Variants in MTUS2 observed in about 807,000 individuals in gnomAD.
MTUS2 encodes the protein microtubule-associated tumor suppressor candidate 2.
In MTUS2, 40 loss-of-function variants were observed where a neutral mutation model predicts 114.1. The ratio of observed to expected loss-of-function variants is 0.35; its 90% CI spans 0.27 to 0.46. MTUS2 has a LOEUF of 0.46. Ranked by LOEUF, MTUS2 falls within the 20% of genes least tolerant of loss-of-function variation. The pLI, the probability that MTUS2 is intolerant of heterozygous loss-of-function variation, is 1.00. For synonymous variants in MTUS2, 688 were observed against 672.0 expected (o/e 1.02, Z -0.37); for missense variants, 1,679 against 1,705.4 (o/e 0.98, Z 0.27).
At chr13:29,234,070 A>G (rs1185229520) in intron 5 of MTUS2, among the ~76,000 whole-genome samples, 1 of 152,208 alleles carries the variant, frequency 6.6e-6, no homozygotes, top group Non-Finnish European at 1.5e-5. Flanking sequence ...GCCCTGCAGT[A>G]CATAAATTGG....
chr13:29,452,608 A>ATC (rs1878793415), intron 9 of MTUS2, among the ~76,000 whole-genome samples: 1 of 148,104 alleles, frequency 6.8e-6, no homozygotes, highest in African/African-American at 2.5e-5. Context: ...GTGTGTGTGT[A>ATC]TATATATATA....
At chr13:29,187,568 T>G (rs1444282302) in intron 5 of MTUS2, among the ~76,000 whole-genome samples, 2 of 152,214 alleles carry the variant, frequency 1.3e-5, no homozygotes, top group Non-Finnish European at 2.9e-5. Flanking sequence ...TTATTTTAGG[T>G]TCTGCCCCAT....
chr13:29,085,333 A>T (rs960718302), intron 4 of MTUS2, among the ~76,000 whole-genome samples: 7 of 152,282 alleles, frequency 4.6e-5, no homozygotes, highest in Non-Finnish European at 7.4e-5. Context: ...GGTTTGTTAC[A>T]TGAGTAAATT....
At chr13:28,830,061 A>G (rs1038085718) in intron 1 of MTUS2, among the ~76,000 whole-genome samples, 7 of 152,218 alleles carry the variant, frequency 4.6e-5, no homozygotes, top group Non-Finnish European at 8.8e-5. Flanking sequence ...CTGTACCGTC[A>G]TTAGCTGACC....
intron 2 of MTUS2, among the ~76,000 whole-genome samples, chr13:28,903,256 T>G (rs1448668507): frequency 1.3e-5 from 2 of 152,018 alleles, no homozygotes; most frequent in African/African-American, 4.8e-5. Context: ...TTCTTTCTTA[T>G]TTTATTTTAT....
chr13:28,996,156 CAT>C (rs1440082944), intron 2 of MTUS2, among the ~76,000 whole-genome samples: 2 of 152,144 alleles, frequency 1.3e-5, no homozygotes, highest in Non-Finnish European at 1.5e-5. Context: ...TTGAGATAAT[CAT>C]GTGGTTTTTG....
chr13:29,378,169 G>A (rs1188894888), intron 8 of MTUS2, among the ~76,000 whole-genome samples: 3 of 152,064 alleles, frequency 2.0e-5, no homozygotes, highest in African/African-American at 7.2e-5. Context: ...TTTGTATTCT[G>A]ATTTTGGTGT....
chr13:29,324,750 T>C (rs745751152), intron 7 of MTUS2, 39 bp downstream of exon 7: 7 of 1,457,746 alleles, frequency 4.8e-6, no homozygotes. Flanking sequence ...GGGGAATGAC[T>C]TGAACTTGGA....
chr13:28,836,972 C>T (rs1480303995), intron 1 of MTUS2, among the ~76,000 whole-genome samples: 2 of 152,172 alleles, frequency 1.3e-5, no homozygotes, highest in Non-Finnish European at 2.9e-5. Context: ...ATCTGCCCCC[C>T]TTAGTCTCCT....
intron 4 of MTUS2, among the ~76,000 whole-genome samples, chr13:29,079,587 A>G (rs958508292): frequency 5.9e-5 from 9 of 152,172 alleles, no homozygotes; most frequent in African/African-American, 2.4e-5. Context: ...TTTTTAAAAT[A>G]TAGATGAATA....
intron 1 of MTUS2, among the ~76,000 whole-genome samples, chr13:28,826,662 C>G (rs1021962151): frequency 2.0e-5 from 3 of 152,206 alleles, no homozygotes; most frequent in African/African-American, 7.2e-5. Flanking sequence ...GAAAAGCCAA[C>G]ATAATGCATT....
At chr13:29,459,687 G>C (rs961580809) in intron 9 of MTUS2, among the ~76,000 whole-genome samples, 1 of 152,138 alleles carries the variant, frequency 6.6e-6, no homozygotes, top group Non-Finnish European at 1.5e-5. Flanking sequence ...CATAATGCTT[G>C]AATTTTTTTT....
chr13:28,824,667 C>CT lies in MTUS2; in HGVS notation c.-316+4072dup, dbSNP rs77109338. ...TTTACTGCCTTTAACCAGTGTCTAG[C>CT]TTTTTTTTTTTTTTTTAAACACCAT... is the stretch of plus-strand genomic sequence containing the variant. On this transcript the variant is annotated intron_variant, in intron 1 of 15. Transcript: ENST00000612955. 3.5e-3 allele frequency among the ~76,000 whole-genome samples: 491 copies of CT among 140,974 alleles called. 1 individual carries two copies. The highest frequency in any genetic ancestry group is 7.6e-3 in the African/African-American group (291 of 38,432). 92.5% of individuals were successfully genotyped at this position (140,974 alleles called of 152,430 possible).
intron 5 of MTUS2, among the ~76,000 whole-genome samples, chr13:29,209,150 TG>T (rs1252318849): frequency 1.3e-5 from 2 of 152,202 alleles, no homozygotes; most frequent in Non-Finnish European, 2.9e-5. Context: ...ATTTTCCCTT[TG>T]GACTAGTCCT....
At chr13:29,252,040 C>T (rs1355079390) in intron 5 of MTUS2, among the ~76,000 whole-genome samples, 1 of 152,098 alleles carries the variant, frequency 6.6e-6, no homozygotes, top group Admixed American at 6.5e-5. Flanking sequence ...GAAATTAGAA[C>T]AAAACACTTG....
At chr13:29,429,968 C>T (rs937187707) in intron 8 of MTUS2, among the ~76,000 whole-genome samples, 1 of 152,194 alleles carries the variant, frequency 6.6e-6, no homozygotes, top group African/African-American at 2.4e-5. Flanking sequence ...ACTAGTTTTG[C>T]TCTAATAGAA....
intron 2 of MTUS2, among the ~76,000 whole-genome samples, chr13:28,945,873 T>C (rs1417676089): frequency 6.6e-6 from 1 of 152,258 alleles, no homozygotes; most frequent in East Asian, 1.9e-4. Context: ...TTTGAGGTTT[T>C]AATCGTGATT....
At chr13:28,935,353 G>A (rs867306475) in intron 2 of MTUS2, among the ~76,000 whole-genome samples, 1 of 152,070 alleles carries the variant, frequency 6.6e-6, no homozygotes, top group Admixed American at 6.5e-5. Context: ...ATTGCCAAAC[G>A]TATGTTGAGT....
intron 1 of MTUS2, among the ~76,000 whole-genome samples, chr13:28,822,497 C>T (rs796323190): frequency 2.6e-5 from 4 of 152,242 alleles, no homozygotes; most frequent in African/African-American, 9.6e-5. Context: ...TTATGCTTAG[C>T]GATTTTCTAG....
Sources: allele counts gnomAD v4.1 joint callset (sites outside exome capture counted in the v4.1 genomes callset), GRCh38; gene constraint gnomAD v4.1.1; transcripts MANE v1.5; gene names NCBI Gene and HGNC (gene_info 2026-07-23, HGNC 2026-07-21).